Variants in ASAP1 observed in about 807,000 individuals in gnomAD.
ASAP1 encodes arf-GAP with SH3 domain, ANK repeat and PH domain-containing protein 1.
Under a neutral mutation model 145.2 loss-of-function variants are expected in ASAP1, and 43 were observed. The observed-to-expected ratio is 0.30, with a 90% CI of 0.23 to 0.38. The LOEUF is 0.38. Ranked by LOEUF, ASAP1 falls within the 10% of genes least tolerant of loss-of-function variation. The probability of loss-of-function intolerance (pLI) is 1.00; values close to 1 mark genes in which losing one functional copy is unlikely to be tolerated. For missense variants in ASAP1, 1,018 were observed against 1,355.3 expected (o/e 0.75, Z 3.91); for synonymous variants, 546 against 515.5 (o/e 1.06, Z -0.80).
Position 130,090,142 on chromosome 8 carries a change from CTT to C in ASAP1, c.2572+1829_2572+1830del, listed in dbSNP as rs372164524. Among the ~76,000 whole-genome samples the C allele has an allele frequency of 1.9e-4, 29 of 152,288 alleles. No individual in the cohort carries two copies. The East Asian group carries it at 4.1e-3, about 21-fold the overall frequency. ...AAAACGGCCAGCTGCTAGTCTTGCT[CTT>C]GAGTGATGTGAAAATCTAAAAAAGT... On this transcript the variant is annotated intron_variant, in intron 25 of 29. Coordinates refer to ENST00000518721, the MANE Select transcript of ASAP1 (RefSeq NM_018482.4).
intron 3 of ASAP1, among the ~76,000 whole-genome samples, chr8:130,256,279 T>C (rs915215409): frequency 6.6e-6 from 1 of 152,162 alleles, no homozygotes; most frequent in African/African-American, 2.4e-5. Context: ...CTCAGGTTTT[T>C]TGTTTTAGGA....
chr8:130,205,112 G>C (rs1816119499), intron 5 of ASAP1, among the ~76,000 whole-genome samples: 5 of 152,042 alleles, frequency 3.3e-5, no homozygotes, highest in Admixed American at 3.3e-4. Flanking sequence ...TTTTCTTATG[G>C]TCAATGAAAC....
At chr8:130,074,402 T>C (rs1209175090) in intron 27 of ASAP1, among the ~76,000 whole-genome samples, 3 of 151,910 alleles carry the variant, frequency 2.0e-5, no homozygotes, top group Admixed American at 6.6e-5. Context: ...TTTTTTTGTA[T>C]TTCTGTATAT....
At chr8:130,073,272 C>G (rs1592739094) in intron 27 of ASAP1, among the ~76,000 whole-genome samples, 1 of 152,022 alleles carries the variant, frequency 6.6e-6, no homozygotes, top group South Asian at 2.1e-4. Context: ...TGCCTGTAAT[C>G]CCAGCTACTT....
intron 1 of ASAP1, among the ~76,000 whole-genome samples, chr8:130,440,277 A>G (rs1222483281): frequency 6.6e-6 from 1 of 152,094 alleles, no homozygotes; most frequent in Non-Finnish European, 1.5e-5. Context: ...CAGGCTGGCC[A>G]TGGTCGCTCA....
At chr8:130,222,188 C>A (rs1351498608) in intron 4 of ASAP1, among the ~76,000 whole-genome samples, 1 of 152,188 alleles carries the variant, frequency 6.6e-6, no homozygotes, top group Admixed American at 6.5e-5. Flanking sequence ...TCCAATGAGG[C>A]CTTCCTCAAA....
intron 3 of ASAP1, among the ~76,000 whole-genome samples, chr8:130,240,235 C>G (rs1001896680): frequency 6.6e-6 from 1 of 152,066 alleles, no homozygotes; most frequent in South Asian, 2.1e-4. Context: ...AGTTCATCTA[C>G]TTACTTTTAA....
At chr8:130,406,354 T>C (rs1829028424) in intron 1 of ASAP1, among the ~76,000 whole-genome samples, 2 of 152,202 alleles carry the variant, frequency 1.3e-5, no homozygotes, top group African/African-American at 4.8e-5. Context: ...ACAGCTTCCT[T>C]GCCAGATCCT....
intron 3 of ASAP1, among the ~76,000 whole-genome samples, chr8:130,328,201 G>A (rs952288979): frequency 1.3e-5 from 2 of 151,912 alleles, no homozygotes; most frequent in African/African-American, 4.8e-5. Flanking sequence ...AAATGACCAC[G>A]ACTGGTGGAC....
intron 2 of ASAP1, among the ~76,000 whole-genome samples, chr8:130,372,140 A>G (rs946899403): frequency 6.6e-6 from 1 of 152,242 alleles, no homozygotes; most frequent in Admixed American, 6.5e-5. Flanking sequence ...CAGGCATTAC[A>G]TTTTATAAGC....
At chr8:130,088,308 T>C (rs2097498189) in intron 25 of ASAP1, among the ~76,000 whole-genome samples, 1 of 152,082 alleles carries the variant, frequency 6.6e-6, no homozygotes, top group African/African-American at 2.4e-5. Flanking sequence ...TTTTGTATTT[T>C]TAGTAGAGAT....
chr8:130,085,431 T>C (rs930846198), intron 25 of ASAP1, among the ~76,000 whole-genome samples: 8 of 152,066 alleles, frequency 5.3e-5, no homozygotes, highest in Non-Finnish European at 7.4e-5. Flanking sequence ...TGTTATAAAG[T>C]AGGTTATTAA....
chr8:130,130,195 A>G (rs960987233), intron 15 of ASAP1, among the ~76,000 whole-genome samples: 6 of 152,252 alleles, frequency 3.9e-5, no homozygotes, highest in Non-Finnish European at 8.8e-5. Context: ...AATAAGGGAT[A>G]CTCAACCTGT....
intron 17 of ASAP1, among the ~76,000 whole-genome samples, chr8:130,124,500 A>G (rs1309372376): frequency 6.6e-6 from 1 of 152,252 alleles, no homozygotes; most frequent in Non-Finnish European, 1.5e-5. Context: ...AAACAGCAAT[A>G]GCTTATCAAC....
intron 25 of ASAP1, among the ~76,000 whole-genome samples, chr8:130,088,186 A>C (rs780155905): frequency 6.6e-6 from 1 of 152,130 alleles, no homozygotes; most frequent in Non-Finnish European, 1.5e-5. Context: ...GCTGGGGTGC[A>C]ATGGTGCAAT....
intron 14 of ASAP1, among the ~76,000 whole-genome samples, chr8:130,135,998 T>C (rs1163443444): frequency 6.6e-6 from 1 of 152,066 alleles, no homozygotes; most frequent in Non-Finnish European, 1.5e-5. Flanking sequence ...GGCAAGAAAA[T>C]ATTTCTGTGC....
At chr8:130,154,053 G>C (rs2097653072) in intron 12 of ASAP1, among the ~76,000 whole-genome samples, 1 of 152,088 alleles carries the variant, frequency 6.6e-6, no homozygotes, top group Admixed American at 6.6e-5. Context: ...TTAAAGTTAA[G>C]AAAGTAACTC....
Position 130,116,890 on chromosome 8 carries a change from A to C in ASAP1, c.1986T>G (p.Thr662=), listed in dbSNP as rs771260458. Residue 662 remains threonine, a synonymous_variant, in exon 21 of 30, where the codon ACT becomes ACG. Coordinates refer to ENST00000518721, the MANE Select transcript of ASAP1 (RefSeq NM_018482.4). ...TAGACACACTCTTACCTATATCCAC[A>C]GTGGGCTTGCTCCTGAGCAAAAGCT... The part of the protein sequence containing the change: ...CLKLLLRSKP[T]VDIVNQAGET... 2.5e-6 allele frequency: 4 copies of C among 1,613,482 alleles called. No homozygotes were observed. Among genetic ancestry groups the C allele is most frequent in the Non-Finnish European group, 2.5e-6 (3 of 1,179,432 alleles).
In ASAP1 at chr8:130,226,887, C is replaced by T. The variant is rs1221420427; in HGVS notation, c.259+10035G>A. Among the ~76,000 whole-genome samples the T allele has an allele frequency of 2.0e-5, 3 of 152,152 alleles. No individual in the cohort carries two copies. In the East Asian group the frequency reaches 5.8e-4, roughly 29 times the overall value. On this transcript the variant is annotated intron_variant, in intron 4 of 29. Transcript: ENST00000518721. ...GATGGCTCTGTAGGTAATTGCAATG[C>T]TTTGAGATGTGGTCCTAAAATAGGT...
Sources: allele counts gnomAD v4.1 joint callset (sites outside exome capture counted in the v4.1 genomes callset), GRCh38; gene constraint gnomAD v4.1.1; transcripts MANE v1.5; gene names NCBI Gene and HGNC (gene_info 2026-07-23, HGNC 2026-07-21).